PKHD1: variants seen among roughly 807,000 people sequenced by gnomAD.
PKHD1 encodes PKHD1 ciliary IPT domain containing fibrocystin/polyductin.
PKHD1 carries 291 observed loss-of-function variants against 412.0 expected under a neutral mutation model. The observed-to-expected ratio is 0.71, with a 90% CI of 0.64 to 0.78. The LOEUF (loss-of-function observed/expected upper bound fraction) is 0.78, where lower values mean the gene tolerates loss of function less well. Among genes scored for constraint, PKHD1 ranks in the 30% least tolerant of loss-of-function variants. The probability of loss-of-function intolerance (pLI) is 0.00; values close to 1 mark genes in which losing one functional copy is unlikely to be tolerated. For missense variants in PKHD1, 4,825 were observed against 4,950.7 expected, an observed-to-expected ratio of 0.97 and a Z score of 0.76; for synonymous variants, 1,777 against 1,821.5, an observed-to-expected ratio of 0.98 and a Z score of 0.62.
At chr6:51,913,196 T>C (rs1783238328) in intron 37 of PKHD1, among the ~76,000 whole-genome samples, 1 of 152,040 alleles carries the variant, frequency 6.6e-6, no homozygotes, top group African/African-American at 2.4e-5. Context: ...TATGAAGACT[T>C]CACAAATAAC....
intron 35 of PKHD1, among the ~76,000 whole-genome samples, chr6:52,009,341 A>G (rs1227135741): frequency 6.6e-6 from 1 of 152,202 alleles, no homozygotes; most frequent in Non-Finnish European, 1.5e-5. Context: ...CATCGCATAC[A>G]TTTTCAGCAC....
At chr6:51,744,317 C>G in intron 60 of PKHD1, 68 bp downstream of exon 60, 5 of 1,383,280 alleles carry the variant, frequency 3.6e-6, no homozygotes, top group Non-Finnish European at 5.2e-6. Flanking sequence ...TCAGTGAGCA[C>G]AGCAAAACCA....
At chr6:51,940,347 C>T (rs906167141) in intron 36 of PKHD1, among the ~76,000 whole-genome samples, 15 of 151,716 alleles carry the variant, frequency 9.9e-5, no homozygotes, top group African/African-American at 3.6e-4. Context: ...TTCCTTGCCT[C>T]CACTGTGAGA....
rs1311498221 is a variant in PKHD1 at position 51,616,365 on chromosome 6, G to C, written c.*2716C>G. ...ACATCTCAATATTTATTTAGATAAA[G>C]GGTGTAGATTGTCACTGCTGGGAAA... On this transcript the variant is annotated 3_prime_UTR_variant, in exon 67 of 67. Coordinates refer to ENST00000371117, the MANE Select transcript of PKHD1 (RefSeq NM_138694.4). 10 of 278,272 alleles carry C rather than the reference G, an allele frequency of 3.6e-5. No individual in the cohort carries two copies. The highest frequency in any genetic ancestry group is 3.5e-4 in the East Asian group (6 of 16,932). 17.2% of individuals were successfully genotyped at this position (278,272 alleles called of 1,614,324 possible).
At chr6:51,948,813 A>G (rs1383087459) in intron 36 of PKHD1, among the ~76,000 whole-genome samples, 2 of 152,190 alleles carry the variant, frequency 1.3e-5, no homozygotes. Context: ...GATTCTTGAG[A>G]GCAGATCAAA....
chr6:51,677,950 A>G (rs1422968002), intron 60 of PKHD1, among the ~76,000 whole-genome samples: 1 of 152,196 alleles, frequency 6.6e-6, no homozygotes, highest in African/African-American at 2.4e-5. Flanking sequence ...TTACTAGGGT[A>G]AAATGTCATC....
At chr6:52,026,254 G>T in intron 31 of PKHD1, 73 bp from the exon 32 acceptor site, 2 of 1,417,098 alleles carry the variant, frequency 1.4e-6, no homozygotes, top group Non-Finnish European at 2.0e-6. Context: ...ACCTGTGGAA[G>T]TCCTAGGTCA....
At chr6:51,989,764 A>C (rs1275289892) in intron 35 of PKHD1, among the ~76,000 whole-genome samples, 4 of 150,814 alleles carry the variant, frequency 2.7e-5, no homozygotes, top group Admixed American at 1.3e-4. Context: ...CCTCAAGAGA[A>C]AAACAAAGAA....
intron 55 of PKHD1, among the ~76,000 whole-genome samples, chr6:51,765,889 G>A (rs530633321): frequency 8.5e-5 from 13 of 152,078 alleles, no homozygotes; most frequent in South Asian, 4.2e-4. Context: ...CTAGAACACC[G>A]TTTCCACATA....
intron 64 of PKHD1, among the ~76,000 whole-genome samples, chr6:51,635,876 C>CGGGG (rs1581768607): frequency 2.2e-4 from 9 of 41,484 alleles, no homozygotes; most frequent in East Asian, 7.6e-4. Flanking sequence ...GGCGGGGGGC[C>CGGGG]GGGGGCGGAT....
At chr6:51,802,875 T>C (rs1053200075) in intron 52 of PKHD1, among the ~76,000 whole-genome samples, 5 of 150,962 alleles carry the variant, frequency 3.3e-5, no homozygotes, top group Non-Finnish European at 5.9e-5. Context: ...TTATTGACTT[T>C]TTTTCTTAAG....
intron 52 of PKHD1, among the ~76,000 whole-genome samples, chr6:51,826,641 C>G (rs1253103378): frequency 6.6e-6 from 1 of 152,108 alleles, no homozygotes; most frequent in Non-Finnish European, 1.5e-5. Context: ...ATTTAGAAAG[C>G]AAAGACAGTC....
intron 35 of PKHD1, among the ~76,000 whole-genome samples, chr6:51,971,577 C>T (rs1024275906): frequency 6.6e-6 from 1 of 152,136 alleles, no homozygotes; most frequent in Non-Finnish European, 1.5e-5. Flanking sequence ...ACAAGGACTT[C>T]TATGTAGTCA....
At chr6:51,803,770 G>T (rs773746805) in intron 52 of PKHD1, among the ~76,000 whole-genome samples, 2 of 151,364 alleles carry the variant, frequency 1.3e-5, no homozygotes, top group East Asian at 3.9e-4. Flanking sequence ...GCAATGGTGC[G>T]ATCTTGGCTC....
At chr6:51,862,805 C>T (rs189772990) in intron 48 of PKHD1, among the ~76,000 whole-genome samples, 4 of 152,292 alleles carry the variant, frequency 2.6e-5, no homozygotes, top group Admixed American at 6.5e-5. Flanking sequence ...TCAAAGTCAA[C>T]GCCCTGAATG....
At chr6:51,652,473 T>C (rs1771132445) in intron 61 of PKHD1, among the ~76,000 whole-genome samples, 2 of 152,120 alleles carry the variant, frequency 1.3e-5, no homozygotes, top group African/African-American at 4.8e-5. Flanking sequence ...TTCAACCTTC[T>C]TCTCAAAGCT....
chr6:51,746,595 C>T (rs890643168), intron 59 of PKHD1, 126 bp downstream of exon 59: 1 of 696,172 alleles, frequency 1.4e-6, no homozygotes, highest in Middle Eastern at 3.9e-4. Context: ...GTTAATGTAC[C>T]TTACCATTCT....
chr6:51,620,778 TTATATATACATATA>T (rs1561971005), intron 66 of PKHD1, among the ~76,000 whole-genome samples: 14 of 146,152 alleles, frequency 9.6e-5, no homozygotes, highest in African/African-American at 3.5e-4. Context: ...AGTAATAACA[TTATATATACATATA>T]TATATATGTA....
intron 35 of PKHD1, among the ~76,000 whole-genome samples, chr6:52,006,165 TA>T (rs1469273693): frequency 4.0e-5 from 6 of 151,604 alleles, no homozygotes; most frequent in Non-Finnish European, 4.4e-5. Flanking sequence ...TCTAGGTCAC[TA>T]AAAAATTATA....
Sources: gnomAD v4.1 joint callset for allele counts (sites outside exome capture counted in the v4.1 genomes callset) on GRCh38, gnomAD v4.1.1 for gene constraint, MANE v1.5 for transcripts, NCBI Gene and HGNC (gene_info 2026-07-23, HGNC 2026-07-21) for gene names.